NEFM: variants seen among roughly 807,000 people sequenced by gnomAD.
NEFM encodes the protein neurofilament medium polypeptide.
In NEFM, 16 loss-of-function variants were observed where a neutral mutation model predicts 48.1. The observed-to-expected ratio is 0.33, with a 90% CI of 0.23 to 0.51. The LOEUF (loss-of-function observed/expected upper bound fraction) is 0.51, where lower values mean the gene tolerates loss of function less well. NEFM is among the 20% of genes least tolerant of loss of function. The pLI, the probability that NEFM is intolerant of heterozygous loss-of-function variation, is 0.98. For synonymous variants in NEFM, 465 were observed against 456.9 expected (o/e 1.02, Z -0.23); for missense variants, 1,107 against 1,136.0 (o/e 0.97, Z 0.37).
Position 24,913,783 on chromosome 8 carries a change from A to G in NEFM, c.-11A>G, listed in dbSNP as rs752149863. 6.2e-7 allele frequency: 1 copy of G among 1,603,246 alleles called. No homozygotes were observed. The highest frequency in any genetic ancestry group is 8.5e-7 in the Non-Finnish European group (1 of 1,175,690). On this transcript the variant is annotated 5_prime_UTR_variant, in exon 1 of 3. Coordinates refer to ENST00000221166, the MANE Select transcript of NEFM (RefSeq NM_005382.2). ...AACGCTGTGACAGCCACACGCCCCA[A>G]GGCCTCCAAGATGAGCTACACGTTG...
In NEFM at chr8:24,915,610, C is replaced by T. The variant is rs769700786; in HGVS notation, c.1086C>T (p.Thr362=). 2 of 1,613,902 alleles carry T rather than the reference C, an allele frequency of 1.2e-6. No individual in the cohort carries two copies. Residue 362 remains threonine (T), a synonymous_variant, in exon 2 of 3, where the codon ACC becomes ACT. Transcript: ENST00000221166. ...HNHDLSSYQD[T]IQQLENELRG... ...ATTCTCTGTGTCTGTTTCAGGACAC[C>T]ATCCAGCAGCTGGAAAATGAGCTTC...
chr8:24,916,760 C>A (rs944934523), intron 2 of NEFM, among the ~76,000 whole-genome samples: 11 of 151,822 alleles, frequency 7.2e-5, no homozygotes, highest in African/African-American at 1.9e-4. Context: ...TCATGTTGTA[C>A]CTAATGGATC....
Position 24,914,600 on chromosome 8 carries a change from G to C in NEFM, c.807G>C (p.Ala269=). ...ACCTGAAGACAGACATCTCGACGGC[G>C]CTGAAGGAAATCCGCTCCCAGCTCG... ...KDYLKTDIST[A]LKEIRSQLES... is the part of the protein sequence containing the mutation. Residue 269 remains alanine, a synonymous_variant, in exon 1 of 3, where the codon GCG becomes GCC. Coordinates refer to ENST00000221166, the MANE Select transcript of NEFM (RefSeq NM_005382.2). The C allele has an allele frequency of 6.2e-7, 1 of 1,614,194 alleles. No individual in the cohort carries two copies. Among genetic ancestry groups the C allele is most frequent in the Non-Finnish European group, 8.5e-7 (1 of 1,180,044 alleles).
Position 24,917,946 on chromosome 8 carries a change from G to T in NEFM, c.2091G>T (p.Gly697=). The stretch of plus-strand genomic sequence containing the variant: ...AGGCAAAGTCAAAAGCAGAAGTGGG[G>T]AAAGGTGAACAGAAAGAGGAAGAAG... ...VEEAKSKAEV[G]KGEQKEEEEK... is the part of the protein sequence containing the mutation. The change falls in exon 3 of 3, where the codon GGG becomes GGT. Residue 697 remains glycine, a synonymous_variant. Transcript: ENST00000221166. The T allele has an allele frequency of 6.2e-7, 1 of 1,614,094 alleles. No homozygotes were observed. Among genetic ancestry groups the T allele is most frequent in the Non-Finnish European group, 8.5e-7 (1 of 1,180,006 alleles).
chr8:24,915,283 G>A, intron 1 of NEFM: 2 of 1,289,806 alleles, frequency 1.6e-6, no homozygotes, highest in Non-Finnish European at 2.0e-6. Flanking sequence ...AAAGGGCTCA[G>A]ATGGGAATGG....
rs1215615189 is a variant in NEFM, at chr8:24,917,901, G to T, written c.2046G>T (p.Val682=). ...SPVEEKAKSP[V]PKSPVEEAKS... ...TGGAAGAGAAAGCCAAATCTCCTGT[G>T]CCAAAATCACCAGTGGAAGAGGCAA... Residue 682 remains valine, a synonymous_variant, in exon 3 of 3, where the codon GTG becomes GTT. Transcript: ENST00000221166. The T allele has an allele frequency of 6.2e-7, 1 of 1,613,998 alleles. No homozygotes were observed. The highest frequency in any genetic ancestry group is 1.3e-5 in the African/African-American group (1 of 74,902).
intron 1 of NEFM, 24 bp downstream of exon 1, chr8:24,914,897 AGCCTGCGCCAGC>A: frequency 1.3e-6 from 2 of 1,560,764 alleles, no homozygotes; most frequent in Middle Eastern, 1.7e-4. Context: ...CTGCGCGGCC[AGCCTGCGCCAGC>A]GCCAGCGCCG....
chr8:24,914,354 G>A lies in NEFM; in HGVS notation c.561G>A (p.Glu187=), dbSNP rs778394108. The stretch of plus-strand genomic sequence containing the variant: ...AGGAAGACATCCACCGGCTCAAGGA[G>A]CGCTTTGAGGAGGAGGCGCGGTTGC... ...HLEEDIHRLK[E]RFEEEARLRD... is the part of the protein sequence containing the mutation. The change falls in exon 1 of 3, where the codon GAG becomes GAA. Residue 187 remains glutamate, a synonymous_variant. Coordinates refer to ENST00000221166, the MANE Select transcript of NEFM (RefSeq NM_005382.2). 6.2e-7 allele frequency: 1 copy of A among 1,613,676 alleles called. No homozygotes were observed. Among genetic ancestry groups the A allele is most frequent in the Non-Finnish European group, 8.5e-7 (1 of 1,179,960 alleles).
rs371207848 is a variant in NEFM, at chr8:24,918,340, G to A, written c.2485G>A (p.Val829Ile). The change falls in exon 3 of 3, where the codon GTT becomes ATT. Residue 829 changes from valine to isoleucine, a missense_variant. Physicochemically the swap from Val to Ile is conservative, Grantham distance 29 (BLOSUM62 3). Around this residue, in one of 3 missense-constraint regions of NEFM, gnomAD observed 917 missense variants for 916.4 expected, o/e 1.00. Transcript: ENST00000221166. ...CAGTGGGAGGGAAGAGGAGAAAGGCGTTGTCACCAATGGCCTAGACTTGAG... is the reference window on the plus strand; with the variant it reads ...CAGTGGGAGGGAAGAGGAGAAAGGCATTGTCACCAATGGCCTAGACTTGAG... ...KGSGREEEKG[V>I]VTNGLDLSPA... 30 of 1,614,006 alleles carry A rather than the reference G, an allele frequency of 1.9e-5. No individual in the cohort carries two copies. The highest frequency in any genetic ancestry group is 1.7e-4 in the Middle Eastern group (1 of 6,060).
chr8:24,914,906 C>A, intron 1 of NEFM, 33 bp downstream of exon 1: 1 of 1,548,182 alleles, frequency 6.5e-7, no homozygotes, highest in Non-Finnish European at 8.7e-7. Context: ...CAGCCTGCGC[C>A]AGCGCCAGCG....
At position 24,917,107 on chromosome 8, in the gene NEFM, A is replaced by C. The variant is rs1484280004; in HGVS notation, c.1252A>C (p.Ser418Arg). The stretch of plus-strand genomic sequence containing the variant: ...GACTAGATTTAGCACATTTGCAGGA[A>C]GCATCACTGGGCCACTGTATACACA... Reference protein sequence around the residue: ...EETRFSTFAGSITGPLYTHRP... With the variant: ...EETRFSTFAGRITGPLYTHRP... Residue 418 changes from serine (S) to arginine (R), a missense_variant, in exon 3 of 3, where the codon AGC (serine) becomes CGC (arginine). Physicochemically the swap from Ser to Arg is moderately radical, Grantham distance 110 (BLOSUM62 -1). Transcript: ENST00000221166. The C allele has an allele frequency of 1.2e-6, 2 of 1,614,078 alleles. No homozygotes were observed. The highest frequency in any genetic ancestry group is 2.7e-5 in the African/African-American group (2 of 74,922).
In NEFM at chr8:24,918,276, A is replaced by C. The variant is rs778871787; in HGVS notation, c.2421A>C (p.Glu807Asp). 12 of 1,602,544 alleles carry C rather than the reference A, an allele frequency of 7.5e-6. No individual in the cohort carries two copies. Among genetic ancestry groups the C allele is most frequent in the Admixed American group, 3.5e-5 (2 of 57,796 alleles). Residue 807 changes from glutamate (E) to aspartate (D), a missense_variant, in exon 3 of 3, where the codon GAA (glutamate) becomes GAC (aspartate). Glu to Asp is a conservative substitution (Grantham distance 45). Around this residue, in one of 3 missense-constraint regions of NEFM, gnomAD observed 917 missense variants for 916.4 expected, o/e 1.00. Transcript: ENST00000221166. ...ACATAGCTGTCAATGGGGAGGTAGA[A>C]GGAAAAGAGGAGGTAGAGCAGGAGA... is the stretch of plus-strand genomic sequence containing the variant. ...KEDIAVNGEV[E>D]GKEEVEQETK...
chr8:24,918,289 G>A lies in NEFM; in HGVS notation c.2434G>A (p.Val812Ile). Residue 812 changes from valine to isoleucine, a missense_variant, in exon 3 of 3, where the codon GTA (valine) becomes ATA (isoleucine). Physicochemically the swap from Val to Ile is conservative, Grantham distance 29. Around this residue, in one of 3 missense-constraint regions of NEFM, gnomAD observed 917 missense variants for 916.4 expected, o/e 1.00. Transcript: ENST00000221166. ...TGGGGAGGTAGAAGGAAAAGAGGAG[G>A]TAGAGCAGGAGACCAAGGAAAAAGG... ...VNGEVEGKEE[V>I]EQETKEKGSG... 1 of 1,609,118 alleles carries A rather than the reference G, an allele frequency of 6.2e-7. No homozygotes were observed.
chr8:24,918,955 T>C lies in NEFM; in HGVS notation c.*349T>C, dbSNP rs1056165714. 2.3e-5 allele frequency: 7 copies of C among 298,194 alleles called. No individual in the cohort carries two copies. Among genetic ancestry groups the C allele is most frequent in the African/African-American group, 1.3e-4 (6 of 45,946 alleles). 18.5% of individuals were successfully genotyped at this position (298,194 alleles called of 1,614,324 possible). On this transcript the variant is annotated 3_prime_UTR_variant, in exon 3 of 3. Transcript: ENST00000221166. ...TAAGAAAGCTATATATGAATAATTA[T>C]GTTTACCTCACTGGTGCATTTAAAA... is the stretch of plus-strand genomic sequence containing the variant.
Position 24,918,272 on chromosome 8 carries a change from T to C in NEFM, c.2417T>C (p.Val806Ala). 1 of 1,590,734 alleles carries C rather than the reference T, an allele frequency of 6.3e-7. No homozygotes were observed. The highest frequency in any genetic ancestry group is 8.6e-7 in the Non-Finnish European group (1 of 1,169,240). Reference sequence around the variant, plus strand: ...GAAGACATAGCTGTCAATGGGGAGGTAGAAGGAAAAGAGGAGGTAGAGCAG... The same window carrying C: ...GAAGACATAGCTGTCAATGGGGAGGCAGAAGGAAAAGAGGAGGTAGAGCAG... ...RKEDIAVNGE[V>A]EGKEEVEQET... The change falls in exon 3 of 3, where the codon GTA becomes GCA. Residue 806 changes from valine to alanine, a missense_variant. Physicochemically the swap from Val to Ala is moderately conservative, Grantham distance 64. Transcript: ENST00000221166.
In NEFM at chr8:24,914,799, G is replaced by A. The variant is rs56902012; in HGVS notation, c.1006G>A (p.Gly336Ser). The change falls in exon 1 of 3, where the codon GGC (glycine) becomes AGC (serine). Residue 336 changes from glycine (G) to serine (S), a missense_variant. Gly to Ser is a moderately conservative substitution (Grantham distance 56, BLOSUM62 0). Around this residue, in one of 3 missense-constraint regions of NEFM, gnomAD observed 917 missense variants for 916.4 expected, o/e 1.00. Coordinates refer to ENST00000221166, the MANE Select transcript of NEFM (RefSeq NM_005382.2). ...GAGCATCGAGCTAGAGTCGGTGCGC[G>A]GCACCAAGGAGTCCCTGGAGCGGCA... The part of the protein sequence containing the change: ...SKSIELESVR[G>S]TKESLERQLS... 592 of 1,606,204 alleles carry A rather than the reference G, an allele frequency of 3.7e-4. 1 individual carries two copies. The highest frequency in any genetic ancestry group is 4.5e-4 in the Non-Finnish European group (528 of 1,176,868).
In NEFM at chr8:24,914,093, C is replaced by A. The variant is rs780069310; in HGVS notation, c.300C>A (p.Asn100Lys). The A allele has an allele frequency of 1.2e-6, 2 of 1,612,926 alleles. No individual in the cohort carries two copies. Among genetic ancestry groups the A allele is most frequent in the Non-Finnish European group, 1.7e-6 (2 of 1,179,984 alleles). Residue 100 changes from asparagine to lysine, a missense_variant, in exon 1 of 3, where the codon AAC becomes AAA. Physicochemically the swap from Asn to Lys is moderately conservative, Grantham distance 94 (BLOSUM62 0). Coordinates refer to ENST00000221166, the MANE Select transcript of NEFM (RefSeq NM_005382.2). ...GCGACTACAAGCTGTCCCGCTCCAA[C>A]GAGAAGGAGCAGCTGCAGGGGCTGA... ...PGGDYKLSRS[N>K]EKEQLQGLND...
In NEFM at chr8:24,918,357, AGACTT is replaced by A; in HGVS notation, c.2505_2509del (p.Asp835GlufsTer5). On this transcript the variant is annotated frameshift_variant, in exon 3 of 3. Coordinates refer to ENST00000221166, the MANE Select transcript of NEFM (RefSeq NM_005382.2). LOFTEE classifies it high-confidence loss of function. ...AGAAAGGCGTTGTCACCAATGGCCT[AGACTT>A]GAGCCCAGCAGATGAAAAGAAGGGG... 6.2e-7 allele frequency: 1 copy of A among 1,614,146 alleles called. No individual in the cohort carries two copies. Among genetic ancestry groups the A allele is most frequent in the Non-Finnish European group, 8.5e-7 (1 of 1,180,016 alleles).
At chr8:24,915,519 C>T in intron 1 of NEFM, 86 bp from the exon 2 acceptor site, 1 of 1,592,094 alleles carries the variant, frequency 6.3e-7, no homozygotes, top group Non-Finnish European at 8.6e-7. Flanking sequence ...CGGGAGGAGG[C>T]CAGGGGGAAG....
Sources: gnomAD v4.1 joint callset for allele counts (sites outside exome capture counted in the v4.1 genomes callset) on GRCh38, gnomAD v4.1.1 for gene constraint, gnomAD v4.1.1 regional missense constraint, MANE v1.5 for transcripts, NCBI Gene and HGNC (gene_info 2026-07-23, HGNC 2026-07-21) for gene names.